Variants in GALNT7 observed in about 807,000 individuals in gnomAD.
GALNT7 encodes polypeptide N-acetylgalactosaminyltransferase 7.
Under a neutral mutation model 82.1 loss-of-function variants are expected in GALNT7, and 60 were observed. The ratio of observed to expected loss-of-function variants is 0.73; its 90% CI spans 0.59 to 0.91. The LOEUF is 0.91. GALNT7 is among the 40% of genes least tolerant of loss of function. The pLI, the probability that GALNT7 is intolerant of heterozygous loss-of-function variation, is 0.00. For synonymous variants in GALNT7, 243 were observed against 275.1 expected, an observed-to-expected ratio of 0.88 and a Z score of 1.15; for missense variants, 660 against 804.2, an observed-to-expected ratio of 0.82 and a Z score of 2.17.
At chr4:173,275,169 C>A (rs112182878) in intron 2 of GALNT7, among the ~76,000 whole-genome samples, 2 of 152,298 alleles carry the variant, frequency 1.3e-5, no homozygotes, top group African/African-American at 4.8e-5. Context: ...ATGGCTGAGA[C>A]TGAGGTGTTC....
In GALNT7 at chr4:173,192,308, C is replaced by A. The variant is rs76340660; in HGVS notation, c.126+23347C>A. The stretch of plus-strand genomic sequence containing the variant: ...GAATTTTGTATTTGATATATACCCT[C>A]CCCCTGTCCATTATGATTTTTCTGT... On this transcript the variant is annotated intron_variant, in intron 1 of 11. Transcript: ENST00000265000. Among the ~76,000 whole-genome samples, 1,097 of 152,180 alleles carry A rather than the reference C, an allele frequency of 7.2e-3. 6 individuals are homozygous for A. Among genetic ancestry groups the A allele is most frequent in the Middle Eastern group, 0.02 (6 of 294 alleles).
At chr4:173,219,943 G>C (rs1733589458) in intron 1 of GALNT7, among the ~76,000 whole-genome samples, 1 of 152,132 alleles carries the variant, frequency 6.6e-6, no homozygotes, top group East Asian at 1.9e-4. Flanking sequence ...TCTGTGGGTT[G>C]TCTGTTTACT....
intron 1 of GALNT7, among the ~76,000 whole-genome samples, chr4:173,200,501 C>A (rs1011602345): frequency 1.3e-5 from 2 of 151,690 alleles, no homozygotes; most frequent in Non-Finnish European, 2.9e-5. Flanking sequence ...TCTGGGGAAG[C>A]CTAATTAGCA....
chr4:173,268,834 C>T (rs188653067), intron 2 of GALNT7, among the ~76,000 whole-genome samples: 20 of 152,096 alleles, frequency 1.3e-4, no homozygotes, highest in Admixed American at 1.0e-3. Flanking sequence ...CCACCGCACC[C>T]GGACACTTGT....
chr4:173,310,862 A>G (rs1416158087), intron 8 of GALNT7, among the ~76,000 whole-genome samples: 4 of 152,052 alleles, frequency 2.6e-5, no homozygotes, highest in Non-Finnish European at 5.9e-5. Flanking sequence ...CAGCATTCCA[A>G]GTAGCTGGGA....
chr4:173,242,866 G>A (rs1304948782), intron 1 of GALNT7, among the ~76,000 whole-genome samples: 1 of 152,158 alleles, frequency 6.6e-6, no homozygotes, highest in Admixed American at 6.5e-5. Flanking sequence ...GCTCCTTTTA[G>A]GTAACTGCAG....
chr4:173,293,619 TA>T (rs1267391364), intron 3 of GALNT7, among the ~76,000 whole-genome samples: 1 of 152,240 alleles, frequency 6.6e-6, no homozygotes, highest in Non-Finnish European at 1.5e-5. Flanking sequence ...CAGTATCCTC[TA>T]TAAAGGTTTG....
In GALNT7 at chr4:173,295,815, C is replaced by T; in HGVS notation, c.937C>T (p.Pro313Ser). The T allele has an allele frequency of 6.2e-7, 1 of 1,604,924 alleles. No homozygotes were observed. The highest frequency in any genetic ancestry group is 1.3e-5 in the African/African-American group (1 of 74,780). ...HCEVAVNWYA[P>S]LVAPISKDRT... is the part of the protein sequence containing the mutation. ...TGAGGTGGCAGTTAACTGGTATGCACCACTTGTAGCTCCCATATCTAAGGA... is the reference window on the plus strand; with the variant it reads ...TGAGGTGGCAGTTAACTGGTATGCATCACTTGTAGCTCCCATATCTAAGGA... The change falls in exon 5 of 12, where the codon CCA (proline) becomes TCA (serine). Residue 313 changes from proline to serine, a missense_variant. Coordinates refer to ENST00000265000, the MANE Select transcript of GALNT7 (RefSeq NM_017423.3).
chr4:173,297,831 T>C (rs969929742), intron 5 of GALNT7: 50 of 1,471,800 alleles, frequency 3.4e-5, no homozygotes, highest in Non-Finnish European at 4.2e-5. Context: ...ATTACATAGA[T>C]GGGAATGATT....
intron 1 of GALNT7, among the ~76,000 whole-genome samples, chr4:173,227,358 G>A (rs1376505860): frequency 6.6e-6 from 1 of 152,102 alleles, no homozygotes; most frequent in Non-Finnish European, 1.5e-5. Context: ...TTGAGACAGT[G>A]TCTCGCTCTG....
chr4:173,217,175 G>A (rs1391494804), intron 1 of GALNT7, among the ~76,000 whole-genome samples: 1 of 152,098 alleles, frequency 6.6e-6, no homozygotes, highest in Admixed American at 6.6e-5. Context: ...GTTAACCAGA[G>A]AATGGTGCCA....
At chr4:173,208,257 A>G (rs575591504) in intron 1 of GALNT7, among the ~76,000 whole-genome samples, 2 of 152,292 alleles carry the variant, frequency 1.3e-5, no homozygotes, top group South Asian at 4.1e-4. Flanking sequence ...TTTTCTACCT[A>G]ACAGCATTAG....
intron 2 of GALNT7, among the ~76,000 whole-genome samples, chr4:173,266,742 G>A (rs892161324): frequency 1.1e-4 from 17 of 152,172 alleles, no homozygotes; most frequent in Non-Finnish European, 1.5e-4. Context: ...GAGCATGGGG[G>A]ACATTATGTT....
chr4:173,221,637 A>G (rs750146819), intron 1 of GALNT7, among the ~76,000 whole-genome samples: 5 of 152,228 alleles, frequency 3.3e-5, no homozygotes, highest in Non-Finnish European at 5.9e-5. Flanking sequence ...TTAACTTAGC[A>G]TTTGATTTAT....
chr4:173,202,131 A>T (rs1052896224), intron 1 of GALNT7, among the ~76,000 whole-genome samples: 3 of 152,178 alleles, frequency 2.0e-5, no homozygotes, highest in Non-Finnish European at 4.4e-5. Flanking sequence ...TATAATATAA[A>T]TTCTTTTTAT....
At position 173,182,661 on chromosome 4, in the gene GALNT7, T is replaced by TACACACACACACACACAC. The variant is rs60501649; in HGVS notation, c.126+13718_126+13735dup. Among the ~76,000 whole-genome samples, 7 of 133,532 alleles carry TACACACACACACACACAC rather than the reference T, an allele frequency of 5.2e-5. No homozygotes were observed. In the East Asian group the frequency reaches 1.5e-3, roughly 28 times the overall value. 87.6% of individuals were successfully genotyped at this position (133,532 alleles called of 152,430 possible). On this transcript the variant is annotated intron_variant, in intron 1 of 11. Coordinates refer to ENST00000265000, the MANE Select transcript of GALNT7 (RefSeq NM_017423.3). ...GATGAGGCAAGCAGGTTACTCATAA[T>TACACACACACACACACAC]ACACACACACACACACACACACACA... is the stretch of plus-strand genomic sequence containing the variant.
chr4:173,190,433 A>G (rs1434694764), intron 1 of GALNT7, among the ~76,000 whole-genome samples: 2 of 152,228 alleles, frequency 1.3e-5, no homozygotes, highest in African/African-American at 4.8e-5. Flanking sequence ...GTAATACCGT[A>G]TAATTTTTTA....
At chr4:173,195,522 A>G (rs1579900038) in intron 1 of GALNT7, among the ~76,000 whole-genome samples, 2 of 152,212 alleles carry the variant, frequency 1.3e-5, no homozygotes, top group Admixed American at 1.3e-4. Context: ...AACAAAGGTG[A>G]CATTAAAAAA....
At chr4:173,246,729 T>G (rs1734648020) in intron 1 of GALNT7, among the ~76,000 whole-genome samples, 1 of 152,182 alleles carries the variant, frequency 6.6e-6, no homozygotes, top group Non-Finnish European at 1.5e-5. Flanking sequence ...ACATCATACT[T>G]AGAGACTTAC....
Sources: gnomAD v4.1 joint callset for allele counts (sites outside exome capture counted in the v4.1 genomes callset) on GRCh38, gnomAD v4.1.1 for gene constraint, MANE v1.5 for transcripts, NCBI Gene and HGNC (gene_info 2026-07-23, HGNC 2026-07-21) for gene names.